CDIN1: variants seen among roughly 807,000 people sequenced by gnomAD.
The protein encoded by CDIN1 is CDAN1-interacting nuclease 1.
A neutral mutation model predicts 45.3 loss-of-function variants in CDIN1; 33 were observed. That is an observed-to-expected ratio of 0.73 (90% CI 0.55 to 0.97). The LOEUF (loss-of-function observed/expected upper bound fraction) is 0.97, where lower values mean the gene tolerates loss of function less well. CDIN1 is among the 50% of genes least tolerant of loss of function. The pLI is 0.00. For synonymous variants in CDIN1, 118 were observed against 124.4 expected (o/e 0.95, Z 0.34); for missense variants, 303 against 339.4 (o/e 0.89, Z 0.84).
chr15:36,648,455 G>GTT, intron 3 of CDIN1, among the ~76,000 whole-genome samples: 1 of 97,292 alleles, frequency 1.0e-5, no homozygotes, highest in African/African-American at 4.0e-5. Flanking sequence ...TTTTTGAGAC[G>GTT]GAGTCTCCCT....
chr15:36,757,762 C>T (rs1042950604), intron 10 of CDIN1, among the ~76,000 whole-genome samples: 2 of 152,084 alleles, frequency 1.3e-5, no homozygotes, highest in African/African-American at 4.8e-5. Context: ...CTCCTCCTGA[C>T]CTACTGTCAG....
chr15:36,676,457 A>T (rs944030930), intron 5 of CDIN1, among the ~76,000 whole-genome samples: 8 of 152,196 alleles, frequency 5.3e-5, no homozygotes, highest in African/African-American at 1.9e-4. Flanking sequence ...TGAGCAGGCT[A>T]CCAGAGGGAA....
At chr15:36,780,837 C>T (rs1440378356) in intron 10 of CDIN1, among the ~76,000 whole-genome samples, 6 of 152,178 alleles carry the variant, frequency 3.9e-5, no homozygotes, top group Non-Finnish European at 5.9e-5. Flanking sequence ...ATCCAACACA[C>T]GTCCAACTCC....
chr15:36,624,056 A>G (rs1417157661), intron 1 of CDIN1, among the ~76,000 whole-genome samples: 1 of 152,198 alleles, frequency 6.6e-6, no homozygotes, highest in Admixed American at 6.5e-5. Context: ...TATCATGATC[A>G]TCATGACAGT....
chr15:36,697,528 G>GTTCCTGCTCAGTTC, intron 8 of CDIN1, 138 bp downstream of exon 8: 1 of 689,658 alleles, frequency 1.4e-6, no homozygotes, highest in Non-Finnish European at 2.4e-6. Flanking sequence ...TTGGAACTGA[G>GTTCCTGCTCAGTTC]CAGGAACTCA....
intron 10 of CDIN1, 27 bp from the exon 11 acceptor site, chr15:36,808,297 G>A: frequency 6.2e-7 from 1 of 1,612,278 alleles, no homozygotes; most frequent in South Asian, 1.1e-5. Context: ...TACCATGTGT[G>A]TGTGTTATTT....
chr15:36,794,886 G>A lies in CDIN1; in HGVS notation c.717-13438G>A, dbSNP rs146148378. Among the ~76,000 whole-genome samples the A allele has an allele frequency of 4.6e-5, 7 of 152,268 alleles. No homozygotes were observed. In the East Asian group the frequency reaches 1.4e-3, roughly 29 times the overall value. On this transcript the variant is annotated intron_variant, in intron 10 of 10. Coordinates refer to ENST00000566621, the MANE Select transcript of CDIN1 (RefSeq NM_001321759.2). Reference sequence around the variant, plus strand: ...ACAAAGATATAGAATCAACCTAAGTGTCCATCAGTGGATGAATGAATGAAG... The same window carrying A: ...ACAAAGATATAGAATCAACCTAAGTATCCATCAGTGGATGAATGAATGAAG...
At chr15:36,614,075 G>T in intron 1 of CDIN1, 1 of 936,172 alleles carries the variant, frequency 1.1e-6, no homozygotes, top group Admixed American at 1.7e-5. Context: ...GACCTGTGCT[G>T]AGTTTGCTGA....
At chr15:36,683,977 G>T (rs1182926166) in intron 5 of CDIN1, among the ~76,000 whole-genome samples, 1 of 139,686 alleles carries the variant, frequency 7.2e-6, no homozygotes, top group African/African-American at 2.6e-5. Flanking sequence ...ATTTTGGGCT[G>T]AGACAATGGA....
Position 36,808,265 on chromosome 15 carries a change from CT to C in CDIN1, c.717-53del, listed in dbSNP as rs1290529566. The C allele has an allele frequency of 1.1e-5, 17 of 1,590,782 alleles. No homozygotes were observed. The East Asian group carries it at 3.6e-4, about 34-fold the overall frequency. On this transcript the variant is annotated intron_variant, in intron 10 of 10. Coordinates refer to ENST00000566621, the MANE Select transcript of CDIN1 (RefSeq NM_001321759.2). ...TCATCTTATCAGTGCCCCAAGGTGACTTTTTTCAAGAGCTCTGTTGATACCA... is the reference window on the plus strand; with the variant it reads ...TCATCTTATCAGTGCCCCAAGGTGACTTTTTCAAGAGCTCTGTTGATACCA...
chr15:36,693,103 C>T (rs967071277), intron 7 of CDIN1, among the ~76,000 whole-genome samples: 2 of 152,214 alleles, frequency 1.3e-5, no homozygotes, highest in South Asian at 4.1e-4. Flanking sequence ...TTGGAAACTC[C>T]TGCTAGTCAA....
chr15:36,747,156 GT>G (rs2044475772), intron 10 of CDIN1: 1 of 393,402 alleles, frequency 2.5e-6, no homozygotes, highest in African/African-American at 2.1e-5. Context: ...ACCAGCATGT[GT>G]TTCCTCATCT....
At chr15:36,695,043 A>ACC (rs893227198) in intron 7 of CDIN1, among the ~76,000 whole-genome samples, 4 of 152,236 alleles carry the variant, frequency 2.6e-5, no homozygotes, top group African/African-American at 9.6e-5. Flanking sequence ...TTTAAAAAGC[A>ACC]CAGCCATGTG....
chr15:36,787,834 T>C (rs2054530295), intron 10 of CDIN1, among the ~76,000 whole-genome samples: 1 of 151,460 alleles, frequency 6.6e-6, no homozygotes, highest in Non-Finnish European at 1.5e-5. Context: ...GACCAAAGAC[T>C]AGGTAATATG....
chr15:36,740,481 G>T (rs1345503617), intron 10 of CDIN1, among the ~76,000 whole-genome samples: 2 of 152,204 alleles, frequency 1.3e-5, no homozygotes, highest in Non-Finnish European at 2.9e-5. Context: ...GATACCGAGA[G>T]ATGGTAGCAC....
At chr15:36,584,751 C>A (rs924472398) in intron 1 of CDIN1, among the ~76,000 whole-genome samples, 4 of 152,100 alleles carry the variant, frequency 2.6e-5, no homozygotes, top group Admixed American at 2.6e-4. Flanking sequence ...GTTCTGCAGA[C>A]ACGTACATCA....
intron 10 of CDIN1, among the ~76,000 whole-genome samples, chr15:36,734,838 GTAAA>G (rs2140921281): frequency 6.6e-6 from 1 of 152,192 alleles, no homozygotes; most frequent in Admixed American, 6.5e-5. Flanking sequence ...ACTGTTCAAT[GTAAA>G]TAAATAAATA....
chr15:36,672,602 T>C (rs1178892376), intron 5 of CDIN1, among the ~76,000 whole-genome samples: 1 of 151,540 alleles, frequency 6.6e-6, no homozygotes, highest in East Asian at 1.9e-4. Flanking sequence ...ATAACTAATT[T>C]GATCGATTTG....
intron 1 of CDIN1, among the ~76,000 whole-genome samples, chr15:36,597,977 A>G (rs1275440153): frequency 2.0e-5 from 3 of 152,152 alleles, no homozygotes; most frequent in Admixed American, 2.0e-4. Context: ...TCACTCATAA[A>G]TGGACGTAAA....
Sources: gnomAD v4.1 joint callset for allele counts (sites outside exome capture counted in the v4.1 genomes callset) on GRCh38, gnomAD v4.1.1 for gene constraint, MANE v1.5 for transcripts, NCBI Gene and HGNC (gene_info 2026-07-23, HGNC 2026-07-21) for gene names.